Variants in DLG2 observed in about 807,000 individuals in gnomAD.
DLG2 encodes disks large homolog 2.
Under a neutral mutation model 132.5 loss-of-function variants are expected in DLG2, and 45 were observed. That is an observed-to-expected ratio of 0.34 (90% CI 0.27 to 0.44). The LOEUF is 0.44. Among genes scored for constraint, DLG2 ranks in the 20% least tolerant of loss-of-function variants. DLG2 has a pLI of 1.00. For synonymous variants in DLG2, 424 were observed against 419.6 expected (o/e 1.01, Z -0.13); for missense variants, 1,045 against 1,196.9 (o/e 0.87, Z 1.87).
At chr11:84,646,127 G>T (rs374901383) in intron 6 of DLG2, among the ~76,000 whole-genome samples, 2 of 152,144 alleles carry the variant, frequency 1.3e-5, no homozygotes, top group Non-Finnish European at 1.5e-5. Context: ...TTTTCAAGGT[G>T]GGGGTGCGGC....
At chr11:83,783,015 G>A (rs2094899821) in intron 18 of DLG2, among the ~76,000 whole-genome samples, 1 of 152,140 alleles carries the variant, frequency 6.6e-6, no homozygotes, top group South Asian at 2.1e-4. Flanking sequence ...TATTATTGAA[G>A]TACAATGTAT....
chr11:83,526,906 C>A (rs1263168012), intron 21 of DLG2, among the ~76,000 whole-genome samples: 1 of 152,176 alleles, frequency 6.6e-6, no homozygotes, highest in African/African-American at 2.4e-5. Context: ...TTAATCACTT[C>A]CTCCCTGTAG....
intron 6 of DLG2, among the ~76,000 whole-genome samples, chr11:85,059,849 C>A (rs1022993634): frequency 6.6e-6 from 1 of 151,498 alleles, no homozygotes; most frequent in Non-Finnish European, 1.5e-5. Context: ...AGCTATGCAC[C>A]CTGTGAGCTT....
intron 18 of DLG2, among the ~76,000 whole-genome samples, chr11:83,759,109 A>G (rs974438806): frequency 9.8e-5 from 15 of 152,362 alleles, no homozygotes; most frequent in African/African-American, 3.6e-4. Context: ...TAAAGGAGAG[A>G]ATAAGAAGTA....
chr11:84,102,915 G>A (rs1210922618), intron 9 of DLG2, among the ~76,000 whole-genome samples: 1 of 152,084 alleles, frequency 6.6e-6, no homozygotes, highest in Non-Finnish European at 1.5e-5. Context: ...CTGTGGCTCT[G>A]GCATTTTCTA....
chr11:85,583,602 G>A (rs2078768271), intron 3 of DLG2, among the ~76,000 whole-genome samples: 1 of 152,248 alleles, frequency 6.6e-6, no homozygotes, highest in South Asian at 2.1e-4. Flanking sequence ...ATGTAAAAGT[G>A]AAATGTTTCC....
chr11:83,874,458 C>T lies in DLG2; in HGVS notation c.1527G>A (p.Gln509=), dbSNP rs1039424160. The T allele has an allele frequency of 1.9e-6, 3 of 1,602,084 alleles. No individual in the cohort carries two copies. The highest frequency in any genetic ancestry group is 2.6e-6 in the Non-Finnish European group (3 of 1,172,716). The part of the protein sequence containing the change: ...SHSQHSTATR[Q]PSMTLQRAVS... ...CGGCCCGTTGGAGAGTCATTGAAGG[C>T]TGACGAGTTGCGGTGCTATGTTGGG... The change falls in exon 16 of 28, where the codon CAG becomes CAA. Residue 509 remains glutamine (Q), a synonymous_variant. Coordinates refer to ENST00000376104, the MANE Select transcript of DLG2 (RefSeq NM_001142699.3).
intron 6 of DLG2, among the ~76,000 whole-genome samples, chr11:85,002,140 A>T (rs891797924): frequency 1.3e-5 from 2 of 152,158 alleles, no homozygotes; most frequent in Non-Finnish European, 2.9e-5. Flanking sequence ...TACTTGCTTC[A>T]TCCTGGGATA....
In DLG2 at chr11:83,511,087, G is replaced by GACAC. The variant is rs60156321; in HGVS notation, c.2193+21617_2193+21620dup. Among the ~76,000 whole-genome samples, 1,280 of 138,568 alleles carry GACAC rather than the reference G, an allele frequency of 9.2e-3. 25 individuals carry two copies. The highest frequency in any genetic ancestry group is 0.028 in the South Asian group (121 of 4,272). The allele number at this position is 138,568 out of a possible 152,430, so 90.9% of individuals were successfully genotyped here. A position where few individuals can be genotyped will look rare whatever the true frequency, so the allele number is the denominator to read the frequency against. ...TCACTTGCTCAAACACACACACACA[G>GACAC]ACACACACACACACACACACACACA... On this transcript the variant is annotated intron_variant, in intron 21 of 27. Coordinates refer to ENST00000376104, the MANE Select transcript of DLG2 (RefSeq NM_001142699.3).
At chr11:84,642,235 A>G (rs1289023772) in intron 6 of DLG2, among the ~76,000 whole-genome samples, 1 of 151,218 alleles carries the variant, frequency 6.6e-6, no homozygotes, top group African/African-American at 2.4e-5. Flanking sequence ...AATTTCCTCA[A>G]TGACTTTCAA....
At chr11:85,383,453 T>C (rs1033680672) in intron 3 of DLG2, among the ~76,000 whole-genome samples, 9 of 152,158 alleles carry the variant, frequency 5.9e-5, no homozygotes, top group African/African-American at 2.2e-4. Flanking sequence ...AGGATAAATG[T>C]TATGGTATAT....
At chr11:84,197,515 G>A (rs937684361) in intron 8 of DLG2, among the ~76,000 whole-genome samples, 1 of 152,004 alleles carries the variant, frequency 6.6e-6, no homozygotes, top group Non-Finnish European at 1.5e-5. Context: ...GCCACCCAGG[G>A]AAACAAATCA....
chr11:85,367,942 C>T lies in DLG2; in HGVS notation c.41-82577G>A, dbSNP rs150374508. Among the ~76,000 whole-genome samples, 230 of 152,132 alleles carry T rather than the reference C, an allele frequency of 1.5e-3. 1 individual carries two copies. The highest frequency in any genetic ancestry group is 5.3e-3 in the African/African-American group (218 of 41,500). ...TAGTTCTCTTATTAGTATTTTTAAACTATATTCATAAATGAGATTAATCTG... is the reference window on the plus strand; with the variant it reads ...TAGTTCTCTTATTAGTATTTTTAAATTATATTCATAAATGAGATTAATCTG... On this transcript the variant is annotated intron_variant, in intron 3 of 27. Coordinates refer to ENST00000376104, the MANE Select transcript of DLG2 (RefSeq NM_001142699.3).
At chr11:84,705,111 A>G (rs2059649031) in intron 6 of DLG2, among the ~76,000 whole-genome samples, 4 of 151,652 alleles carry the variant, frequency 2.6e-5, no homozygotes, top group Admixed American at 2.6e-4. Context: ...GATTTCTTAA[A>G]GGGAATGAAG....
At chr11:84,468,879 A>G (rs1018454621) in intron 7 of DLG2, among the ~76,000 whole-genome samples, 4 of 151,554 alleles carry the variant, frequency 2.6e-5, no homozygotes, top group African/African-American at 9.7e-5. Context: ...ATTTTGCTCT[A>G]GAGCAGGGAG....
chr11:84,428,485 A>G (rs1277235143), intron 7 of DLG2, among the ~76,000 whole-genome samples: 1 of 152,228 alleles, frequency 6.6e-6, no homozygotes, highest in African/African-American at 2.4e-5. Flanking sequence ...ACTGGGAAGT[A>G]TAAGATCAAG....
At chr11:84,798,614 C>A (rs1385278932) in intron 6 of DLG2, among the ~76,000 whole-genome samples, 1 of 152,156 alleles carries the variant, frequency 6.6e-6, no homozygotes, top group Non-Finnish European at 1.5e-5. Flanking sequence ...AAATGCTGTC[C>A]AAGAGCCTTG....
intron 6 of DLG2, among the ~76,000 whole-genome samples, chr11:84,712,754 A>G (rs2060590556): frequency 6.6e-6 from 1 of 152,124 alleles, no homozygotes; most frequent in Non-Finnish European, 1.5e-5. Flanking sequence ...AATTTTTACA[A>G]CAGTCCTGAA....
intron 3 of DLG2, among the ~76,000 whole-genome samples, chr11:85,482,576 C>G (rs371764816): frequency 6.6e-6 from 1 of 152,144 alleles, no homozygotes; most frequent in Admixed American, 6.5e-5. Context: ...ATCCCTAGGC[C>G]AGGTCCTAGA....
Sources: gnomAD v4.1 joint callset for allele counts (sites outside exome capture counted in the v4.1 genomes callset) on GRCh38, gnomAD v4.1.1 for gene constraint, MANE v1.5 for transcripts, NCBI Gene and HGNC (gene_info 2026-07-23, HGNC 2026-07-21) for gene names.